The following FLT1 variants were observed in gnomAD, a reference collection of about 807,000 sequenced individuals.
FLT1 encodes the protein fms related receptor tyrosine kinase 1, also known as vascular endothelial growth factor receptor 1.
In FLT1, 49 loss-of-function variants were observed where a neutral mutation model predicts 156.3. The observed-to-expected ratio is 0.31, with a 90% CI of 0.25 to 0.40. FLT1 has a LOEUF of 0.40. Ranked by LOEUF, FLT1 falls within the 10% of genes least tolerant of loss-of-function variation. FLT1 has a pLI of 1.00. For missense variants in FLT1, 1,322 were observed against 1,637.2 expected, an observed-to-expected ratio of 0.81 and a Z score of 3.32; for synonymous variants, 594 against 583.8, an observed-to-expected ratio of 1.02 and a Z score of -0.25.
chr13:28,420,606 T>G (rs1191858176), intron 10 of FLT1, among the ~76,000 whole-genome samples: 2 of 152,232 alleles, frequency 1.3e-5, no homozygotes, highest in African/African-American at 4.8e-5. Context: ...CCAGGAAATG[T>G]TGACTTTTTC....
chr13:28,383,518 C>T (rs1361186124), intron 14 of FLT1, among the ~76,000 whole-genome samples: 1 of 152,082 alleles, frequency 6.6e-6, no homozygotes, highest in Non-Finnish European at 1.5e-5. Flanking sequence ...AAAAAATTAG[C>T]CAGGCGTGGT....
intron 10 of FLT1, among the ~76,000 whole-genome samples, chr13:28,415,550 T>G (rs776314616): frequency 1.1e-4 from 17 of 152,220 alleles, no homozygotes; most frequent in Non-Finnish European, 1.6e-4. Context: ...TCCTATCTCA[T>G]GTAAGATGTA....
intron 8 of FLT1, 147 bp downstream of exon 8, chr13:28,429,903 C>T: frequency 2.7e-6 from 2 of 734,840 alleles, no homozygotes; most frequent in East Asian, 2.5e-5. Context: ...ACCTCCACCA[C>T]CCAAGAATCT....
chr13:28,311,335 G>T (rs945712968), intron 27 of FLT1, among the ~76,000 whole-genome samples: 2 of 152,226 alleles, frequency 1.3e-5, no homozygotes, highest in Non-Finnish European at 2.9e-5. Flanking sequence ...CTTTTAAATG[G>T]TTTGGCAAAA....
Position 28,322,967 on chromosome 13 carries a change from A to G in FLT1, c.2797-21T>C. 6.2e-7 allele frequency: 1 copy of G among 1,614,020 alleles called. No homozygotes were observed. Among genetic ancestry groups the G allele is most frequent in the Non-Finnish European group, 8.5e-7 (1 of 1,179,980 alleles). On this transcript the variant is annotated intron_variant, in intron 20 of 29. Transcript: ENST00000282397. The surrounding 1 kb of genome is among the most constrained non-coding windows in gnomAD (Gnocchi z 4.3). Reference sequence around the variant, plus strand: ...GCATCCTTTGAAGAGACCGAAAAGGACCCAGGTGAAAAGGAGCTCCAGCAC... The same window carrying G: ...GCATCCTTTGAAGAGACCGAAAAGGGCCCAGGTGAAAAGGAGCTCCAGCAC...
At chr13:28,315,416 C>T (rs1041751913) in intron 25 of FLT1, among the ~76,000 whole-genome samples, 1 of 152,036 alleles carries the variant, frequency 6.6e-6, no homozygotes, top group African/African-American at 2.4e-5. Flanking sequence ...ATTAGCCAGG[C>T]GTGGTGGCAC....
intron 15 of FLT1, among the ~76,000 whole-genome samples, chr13:28,347,932 A>G (rs1872618340): frequency 6.6e-6 from 1 of 152,214 alleles, no homozygotes; most frequent in Non-Finnish European, 1.5e-5. Flanking sequence ...ATCTGACTGC[A>G]CATGCTTAAC....
At chr13:28,349,245 G>A (rs537995856) in intron 15 of FLT1, among the ~76,000 whole-genome samples, 2 of 152,302 alleles carry the variant, frequency 1.3e-5, no homozygotes, top group Admixed American at 1.3e-4. Context: ...TTGTCAGCTG[G>A]TCTTAAGTTT....
chr13:28,413,309 T>TGGC, intron 10 of FLT1, among the ~76,000 whole-genome samples: 1 of 152,084 alleles, frequency 6.6e-6, no homozygotes, highest in Non-Finnish European at 1.5e-5. Flanking sequence ...GCCTCTGCTT[T>TGGC]TCCTTCCTCC....
intron 4 of FLT1, among the ~76,000 whole-genome samples, chr13:28,437,999 C>A (rs1878126785): frequency 6.6e-6 from 1 of 152,160 alleles, no homozygotes; most frequent in Non-Finnish European, 1.5e-5. Flanking sequence ...TTTCATTATT[C>A]ACATCGATTT....
At chr13:28,452,985 G>A (rs1221881360) in intron 3 of FLT1, among the ~76,000 whole-genome samples, 3 of 102,564 alleles carry the variant, frequency 2.9e-5, no homozygotes, top group East Asian at 6.4e-4. Flanking sequence ...TATTCCTGGT[G>A]CTATATATTT....
intron 29 of FLT1, 144 bp downstream of exon 29, chr13:28,306,534 G>T (rs1223081004): frequency 1.4e-6 from 1 of 693,958 alleles, no homozygotes; most frequent in East Asian, 2.8e-5. Flanking sequence ...GCCCTCTGGG[G>T]GGAAATGGTT....
At position 28,302,142 on chromosome 13, in the gene FLT1, T is replaced by A. The variant is rs1450172598; in HGVS notation, c.*1025A>T. On this transcript the variant is annotated 3_prime_UTR_variant, in exon 30 of 30. Transcript: ENST00000282397. ...CGTTTTGATATGGAGAAAACTCCTC[T>A]CCTCAGGACTGCATTTTCATTCTTC... 1 of 233,154 alleles carries A rather than the reference T, an allele frequency of 4.3e-6. No homozygotes were observed. Among genetic ancestry groups the A allele is most frequent in the Non-Finnish European group, 8.5e-6 (1 of 118,048 alleles). The allele number at this position is 233,154 out of a possible 1,614,324, so 14.4% of individuals were successfully genotyped here. A position where few individuals can be genotyped will look rare whatever the true frequency, so the allele number is the denominator to read the frequency against.
intron 14 of FLT1, among the ~76,000 whole-genome samples, chr13:28,366,269 A>G (rs1565987324): frequency 1.3e-5 from 2 of 152,204 alleles, no homozygotes. Context: ...TTACTAAGCA[A>G]GGACCTTCAT....
intron 3 of FLT1, among the ~76,000 whole-genome samples, chr13:28,466,395 A>G (rs1241619119): frequency 6.6e-6 from 1 of 152,214 alleles, no homozygotes; most frequent in Non-Finnish European, 1.5e-5. Flanking sequence ...ATGTCATTAT[A>G]GTAGTTCCTC....
chr13:28,458,957 T>A (rs991326679), intron 3 of FLT1, among the ~76,000 whole-genome samples: 1 of 152,154 alleles, frequency 6.6e-6, no homozygotes, highest in African/African-American at 2.4e-5. Context: ...ACATCATCAG[T>A]GTGTATTTTA....
intron 3 of FLT1, among the ~76,000 whole-genome samples, chr13:28,450,624 ATCTT>A (rs1244768098): frequency 2.0e-5 from 3 of 152,122 alleles, no homozygotes; most frequent in Non-Finnish European, 4.4e-5. Context: ...ATTACTATAA[ATCTT>A]TCTTCTACTG....
At chr13:28,379,964 G>C (rs1342894211) in intron 14 of FLT1, among the ~76,000 whole-genome samples, 1 of 152,084 alleles carries the variant, frequency 6.6e-6, no homozygotes, top group Admixed American at 6.5e-5. Context: ...TGGAATGGGA[G>C]CAAGTCATCA....
chr13:28,452,101 A>G (rs1452303378), intron 3 of FLT1, among the ~76,000 whole-genome samples: 1 of 152,178 alleles, frequency 6.6e-6, no homozygotes, highest in Non-Finnish European at 1.5e-5. Context: ...CAATCAAAAC[A>G]TGTGTGCCAG....
Sources: allele counts gnomAD v4.1 joint callset (sites outside exome capture counted in the v4.1 genomes callset), GRCh38; gene constraint gnomAD v4.1.1; non-coding constraint Gnocchi (gnomAD v3.1); transcripts MANE v1.5; gene names NCBI Gene and HGNC (gene_info 2026-07-23, HGNC 2026-07-21).